The following TSC22D1 variants were observed in gnomAD, a reference collection of about 807,000 sequenced individuals.
The protein encoded by TSC22D1 is TSC22 domain family protein 1.
Under a neutral mutation model 74.2 loss-of-function variants are expected in TSC22D1, and 9 were observed. That is an observed-to-expected ratio of 0.12 (90% CI 0.07 to 0.21). TSC22D1 has a LOEUF of 0.21. TSC22D1 is among the 10% of genes least tolerant of loss of function. TSC22D1 has a pLI of 1.00. For synonymous variants in TSC22D1, 586 were observed against 492.5 expected (o/e 1.19, Z -2.51); for missense variants, 1,427 against 1,304.7 (o/e 1.09, Z -1.44).
In TSC22D1 at chr13:44,574,731, C is replaced by A; in HGVS notation, c.1344G>T (p.Val448=). 1 of 1,568,652 alleles carries A rather than the reference C, an allele frequency of 6.4e-7. No individual in the cohort carries two copies. ...CTATCGGATTTTGCTTTACAGTCTC[C>A]ACCACTTTATTTATCAGCACACCTT... is the stretch of plus-strand genomic sequence containing the variant. The part of the protein sequence containing the change: ...ATEGVLINKV[V]ETVKQNPIEV... The change falls in exon 1 of 3, where the codon GTG becomes GTT. Residue 448 remains valine, a synonymous_variant. Coordinates refer to ENST00000458659, the MANE Select transcript of TSC22D1 (RefSeq NM_183422.4).
intron 2 of TSC22D1, 144 bp from the exon 3 acceptor site, chr13:44,435,027 C>A (rs573763795): frequency 6.3e-5 from 44 of 700,726 alleles, no homozygotes; most frequent in African/African-American, 5.0e-4. Context: ...TTGGGGAAAT[C>A]TGAATACAAA....
At chr13:44,478,650 C>T (rs954358908) in intron 1 of TSC22D1, among the ~76,000 whole-genome samples, 1 of 152,080 alleles carries the variant, frequency 6.6e-6, no homozygotes, top group Admixed American at 6.6e-5. Flanking sequence ...AGTAAATTTA[C>T]ACCACATTCC....
intron 1 of TSC22D1, among the ~76,000 whole-genome samples, chr13:44,492,978 T>A (rs1358174013): frequency 6.6e-6 from 1 of 152,156 alleles, no homozygotes; most frequent in African/African-American, 2.4e-5. Flanking sequence ...GAAACTCTTC[T>A]ATCAAATTTA....
At chr13:44,516,217 CT>C (rs1463137085) in intron 1 of TSC22D1, 1 of 281,758 alleles carries the variant, frequency 3.5e-6, no homozygotes, top group Non-Finnish European at 6.9e-6. Flanking sequence ...AAAAAGTTCT[CT>C]TGTTGAACAT....
At chr13:44,572,960 ATT>A (rs1883872737) in intron 1 of TSC22D1, among the ~76,000 whole-genome samples, 2 of 152,196 alleles carry the variant, frequency 1.3e-5, no homozygotes, top group African/African-American at 2.4e-5. Flanking sequence ...TTCTGAAAAT[ATT>A]GTTTACATAT....
chr13:44,491,391 A>G (rs1878710737), intron 1 of TSC22D1, among the ~76,000 whole-genome samples: 1 of 151,988 alleles, frequency 6.6e-6, no homozygotes, highest in East Asian at 1.9e-4. Context: ...GTCTCTATTA[A>G]AAATACAAAA....
chr13:44,460,377 T>C (rs943217914), intron 1 of TSC22D1, among the ~76,000 whole-genome samples: 6 of 152,228 alleles, frequency 3.9e-5, no homozygotes, highest in Admixed American at 3.3e-4. Flanking sequence ...TTGATGCCCT[T>C]TTCCATGACA....
intron 1 of TSC22D1, among the ~76,000 whole-genome samples, chr13:44,509,571 C>T (rs1375775284): frequency 6.6e-6 from 1 of 152,102 alleles, no homozygotes; most frequent in African/African-American, 2.4e-5. Context: ...ACCCAGGAGG[C>T]GGAGGTTGCA....
chr13:44,503,509 C>T (rs933515893), intron 1 of TSC22D1, among the ~76,000 whole-genome samples: 1 of 152,112 alleles, frequency 6.6e-6, no homozygotes, highest in Non-Finnish European at 1.5e-5. Flanking sequence ...TTCAAATTTT[C>T]ATATTGTTGC....
Position 44,434,295 on chromosome 13 carries a change from G to C in TSC22D1, c.*331C>G, listed in dbSNP as rs1874326980. 7.3e-7 allele frequency: 1 copy of C among 1,377,966 alleles called. No individual in the cohort carries two copies. Among genetic ancestry groups the C allele is most frequent in the Admixed American group, 3.7e-5 (1 of 27,392 alleles). The allele number at this position is 1,377,966 out of a possible 1,614,324, so 85.4% of individuals were successfully genotyped here. A position where few individuals can be genotyped will look rare whatever the true frequency, so the allele number is the denominator to read the frequency against. Reference sequence around the variant, plus strand: ...CAAGCAGGAGAGAGAACCCTTGGAAGTGAGGGGTAGGGAGCCGGAAGGGAT... The same window carrying C: ...CAAGCAGGAGAGAGAACCCTTGGAACTGAGGGGTAGGGAGCCGGAAGGGAT... On this transcript the variant is annotated 3_prime_UTR_variant, in exon 3 of 3. Transcript: ENST00000458659.
At position 44,436,664 on chromosome 13, in the gene TSC22D1, G is replaced by A. The variant is rs754900486; in HGVS notation, c.2913-569C>T. 41 of 1,599,266 alleles carry A rather than the reference G, an allele frequency of 2.6e-5. 1 individual carries two copies. In the African/African-American group the frequency reaches 2.8e-4, roughly 11 times the overall value. ...CCAAAAACACCCTCGTGGAAAAAAAGAGGGAACACCAGCAGCCTTGTATAA... is the reference window on the plus strand; with the variant it reads ...CCAAAAACACCCTCGTGGAAAAAAAAAGGGAACACCAGCAGCCTTGTATAA... On this transcript the variant is annotated intron_variant, in intron 1 of 2. Transcript: ENST00000458659.
intron 1 of TSC22D1, among the ~76,000 whole-genome samples, chr13:44,517,851 ATATATAT>A (rs1880112475): frequency 9.2e-5 from 2 of 21,764 alleles, no homozygotes; most frequent in Non-Finnish European, 1.6e-4. Flanking sequence ...ATATATATAT[ATATATAT>A]TTTTTTTTTT....
intron 1 of TSC22D1, among the ~76,000 whole-genome samples, chr13:44,504,237 A>G (rs1032387742): frequency 1.4e-5 from 2 of 146,956 alleles, no homozygotes; most frequent in Non-Finnish European, 3.0e-5. Context: ...CTCCCCGGAA[A>G]CCAAATATCA....
At chr13:44,517,857 A>ATATTTTTTTTTTTTTT in intron 1 of TSC22D1, among the ~76,000 whole-genome samples, 2 of 16,176 alleles carry the variant, frequency 1.2e-4, no homozygotes, top group Non-Finnish European at 2.8e-4. Context: ...ATATATATAT[A>ATATTTTTTTTTTTTTT]TTTTTTTTTT....
intron 1 of TSC22D1, among the ~76,000 whole-genome samples, chr13:44,556,304 T>G (rs1234959415): frequency 6.6e-6 from 1 of 151,530 alleles, no homozygotes; most frequent in African/African-American, 2.4e-5. Flanking sequence ...CCTTGTACTT[T>G]GGGAGGCCAA....
chr13:44,469,867 G>C (rs561474016), intron 1 of TSC22D1, among the ~76,000 whole-genome samples: 3 of 152,260 alleles, frequency 2.0e-5, no homozygotes, highest in Admixed American at 1.3e-4. Context: ...ATTTCAGGTG[G>C]AGCTAATTTA....
chr13:44,509,482 T>C (rs1879588493), intron 1 of TSC22D1, among the ~76,000 whole-genome samples: 2 of 152,070 alleles, frequency 1.3e-5, no homozygotes, highest in South Asian at 4.1e-4. Context: ...CTATTAAAAA[T>C]ACAAAAAATG....
chr13:44,463,378 T>G (rs1168954444), intron 1 of TSC22D1, among the ~76,000 whole-genome samples: 1 of 152,254 alleles, frequency 6.6e-6, no homozygotes, highest in Non-Finnish European at 1.5e-5. Context: ...TCTGTATTAC[T>G]CTTCAGTCTA....
intron 1 of TSC22D1, among the ~76,000 whole-genome samples, chr13:44,492,914 C>A (rs953037698): frequency 6.6e-6 from 1 of 151,940 alleles, no homozygotes; most frequent in Non-Finnish European, 1.5e-5. Context: ...AAGAGATATA[C>A]CTCCCTTGTA....
Sources: allele counts gnomAD v4.1 joint callset (sites outside exome capture counted in the v4.1 genomes callset), GRCh38; gene constraint gnomAD v4.1.1; transcripts MANE v1.5; gene names NCBI Gene and HGNC (gene_info 2026-07-23, HGNC 2026-07-21).